The following QSER1 variants were observed in gnomAD, a reference collection of about 807,000 sequenced individuals.
The protein encoded by QSER1 is glutamine and serine rich 1, also known as glutamine and serine-rich protein 1.
In QSER1, 49 loss-of-function variants were observed where a neutral mutation model predicts 158.5. That is an observed-to-expected ratio of 0.31 (90% CI 0.25 to 0.39). The LOEUF (loss-of-function observed/expected upper bound fraction) is 0.39, where lower values mean the gene tolerates loss of function less well. Among genes scored for constraint, QSER1 ranks in the 10% least tolerant of loss-of-function variants. The pLI is 1.00. For missense variants in QSER1, 1,754 were observed against 2,010.3 expected (o/e 0.87, Z 2.44); for synonymous variants, 650 against 715.5 (o/e 0.91, Z 1.46).
chr11:32,923,635 A>ATCTTTATTT (rs1851927123), intron 1 of QSER1, among the ~76,000 whole-genome samples: 1 of 148,552 alleles, frequency 6.7e-6, no homozygotes, highest in Non-Finnish European at 1.5e-5. Flanking sequence ...CCGAGATCAC[A>ATCTTTATTT]CCACTACACT....
intron 9 of QSER1, 72 bp downstream of exon 9, chr11:32,966,509 T>A: frequency 1.5e-6 from 2 of 1,317,114 alleles, no homozygotes; most frequent in South Asian, 2.7e-5. Context: ...GTCTGTTAGT[T>A]ATATGTTTAT....
At position 32,980,150 on chromosome 11, in the gene QSER1, T is replaced by C. The variant is rs1351680808; in HGVS notation, c.*3676T>C. Reference sequence around the variant, plus strand: ...AAGGATATAAAGAAACCTGCATTTGTAGTCCAGCGTTTTCATTTGGTCCAT... The same window carrying C: ...AAGGATATAAAGAAACCTGCATTTGCAGTCCAGCGTTTTCATTTGGTCCAT... On this transcript the variant is annotated 3_prime_UTR_variant, in exon 13 of 13. Transcript: ENST00000650167. 3.3e-5 allele frequency: 5 copies of C among 152,648 alleles called. No homozygotes were observed. The highest frequency in any genetic ancestry group is 9.6e-5 in the African/African-American group (4 of 41,456). 9.5% of individuals were successfully genotyped at this position (152,648 alleles called of 1,614,324 possible).
At chr11:32,961,674 T>C (rs1852627457) in intron 8 of QSER1, among the ~76,000 whole-genome samples, 1 of 152,204 alleles carries the variant, frequency 6.6e-6, no homozygotes, top group African/African-American at 2.4e-5. Context: ...TTCCTCCAGC[T>C]ACTGGTAACC....
chr11:32,927,913 G>C (rs1851994708), intron 2 of QSER1, 49 bp from the exon 3 acceptor site: 1 of 390,598 alleles, frequency 2.6e-6, no homozygotes, highest in Non-Finnish European at 4.1e-6. Context: ...ATTTATACAA[G>C]TAAATTTTTT....
Position 32,976,806 on chromosome 11 carries a change from A to G in QSER1, c.*332A>G, listed in dbSNP as rs2133620541. 4.5e-6 allele frequency: 1 copy of G among 220,410 alleles called. No homozygotes were observed. Among genetic ancestry groups the G allele is most frequent in the East Asian group, 1.5e-4 (1 of 6,590 alleles). 13.7% of individuals were successfully genotyped at this position (220,410 alleles called of 1,614,324 possible). On this transcript the variant is annotated 3_prime_UTR_variant, in exon 13 of 13. Transcript: ENST00000650167. ...TATAATTTTTTTTTATTGCTAGAGA[A>G]GTAACACTTAAAGTAACGATTTTTT...
intron 4 of QSER1, among the ~76,000 whole-genome samples, chr11:32,941,384 T>TCC (rs1263223630): frequency 2.1e-3 from 95 of 44,356 alleles, no homozygotes; most frequent in Non-Finnish European, 3.4e-3. Flanking sequence ...CCCTCCCCCC[T>TCC]CCACCCCCCA....
intron 1 of QSER1, among the ~76,000 whole-genome samples, chr11:32,904,227 A>T (rs1303415119): frequency 7.3e-6 from 1 of 137,502 alleles, no homozygotes; most frequent in East Asian, 2.1e-4. Context: ...GAGTCTTGCT[A>T]TGTCACCCAG....
intron 7 of QSER1, 95 bp downstream of exon 7, chr11:32,956,216 T>C: frequency 1.7e-6 from 2 of 1,181,194 alleles, no homozygotes; most frequent in Non-Finnish European, 2.4e-6. Context: ...AAATAGATTT[T>C]TTTTATTATA....
intron 3 of QSER1, 66 bp from the exon 4 acceptor site, chr11:32,931,677 T>C: frequency 7.8e-7 from 1 of 1,281,322 alleles, no homozygotes; most frequent in Non-Finnish European, 1.1e-6. Context: ...ATGTAAGTCA[T>C]TACTATGAAA....
At chr11:32,896,346 ATTTAT>A (rs989712172) in intron 1 of QSER1, among the ~76,000 whole-genome samples, 15 of 152,078 alleles carry the variant, frequency 9.9e-5, no homozygotes, top group African/African-American at 2.4e-4. Flanking sequence ...AAATAGGTTT[ATTTAT>A]TTTATTTTAT....
intron 4 of QSER1, among the ~76,000 whole-genome samples, chr11:32,939,761 A>G (rs932603770): frequency 6.6e-6 from 1 of 152,070 alleles, no homozygotes; most frequent in African/African-American, 2.4e-5. Context: ...TCAGATCTCA[A>G]AGCCTTTCTT....
At chr11:32,966,102 A>G (rs931220681) in intron 8 of QSER1, among the ~76,000 whole-genome samples, 198 bp from the exon 9 acceptor site, 1 of 152,104 alleles carries the variant, frequency 6.6e-6, no homozygotes, top group Non-Finnish European at 1.5e-5. Context: ...TTTTTGTTCT[A>G]TTGTTAACAA....
At chr11:32,966,837 A>G (rs1852758131) in intron 9 of QSER1, among the ~76,000 whole-genome samples, 2 of 152,266 alleles carry the variant, frequency 1.3e-5, no homozygotes, top group South Asian at 4.1e-4. Flanking sequence ...TTTGTAAAAG[A>G]TACATCATAG....
At position 32,934,587 on chromosome 11, in the gene QSER1, C is replaced by G; in HGVS notation, c.3329C>G (p.Ser1110Cys). ...AGTTCTGGCCCATTCAAGAAACAGT[C>G]TGCTACCAATCTTGAATCTGAAGAA... ...EQSSGPFKKQ[S>C]ATNLESEEDS... Residue 1110 changes from serine (S) to cysteine (C), a missense_variant, in exon 4 of 13, where the codon TCT becomes TGT. Physicochemically the swap from Ser to Cys is moderately radical, Grantham distance 112. Around this residue, in one of 2 missense-constraint regions of QSER1, gnomAD observed 1,707 missense variants for 1,919.6 expected, o/e 0.89. Coordinates refer to ENST00000650167, the MANE Select transcript of QSER1 (RefSeq NM_001076786.3). 6.2e-7 allele frequency: 1 copy of G among 1,613,566 alleles called. No homozygotes were observed.
chr11:32,901,825 C>T (rs1417547478), intron 1 of QSER1, among the ~76,000 whole-genome samples: 1 of 152,136 alleles, frequency 6.6e-6, no homozygotes, highest in Non-Finnish European at 1.5e-5. Flanking sequence ...GGCTTGTGCC[C>T]ATAATCCCAG....
chr11:32,964,509 C>A (rs957098173), intron 8 of QSER1, among the ~76,000 whole-genome samples: 5 of 151,830 alleles, frequency 3.3e-5, no homozygotes. Flanking sequence ...CAGAGACCAC[C>A]AAAAGGGTCT....
chr11:32,975,480 ATGACT>A (rs1852959484), intron 12 of QSER1, 137 bp downstream of exon 12: 3 of 1,506,436 alleles, frequency 2.0e-6, no homozygotes, highest in Non-Finnish European at 2.7e-6. Context: ...TCTGTAAATA[ATGACT>A]TGATTTATTG....
At chr11:32,942,723 T>A (rs966873054) in intron 4 of QSER1, among the ~76,000 whole-genome samples, 8 of 152,234 alleles carry the variant, frequency 5.3e-5, no homozygotes, top group African/African-American at 1.4e-4. Flanking sequence ...CGGGCTCTTT[T>A]TTGGTTCCAT....
rs770371674 is a variant in QSER1 at position 32,933,127 on chromosome 11, T to C, written c.1869T>C (p.Ile623=). 1 of 1,613,306 alleles carries C rather than the reference T, an allele frequency of 6.2e-7. No individual in the cohort carries two copies. Among genetic ancestry groups the C allele is most frequent in the Admixed American group, 1.7e-5 (1 of 59,792 alleles). Residue 623 remains isoleucine, a synonymous_variant, in exon 4 of 13, where the codon ATT becomes ATC. Coordinates refer to ENST00000650167, the MANE Select transcript of QSER1 (RefSeq NM_001076786.3). ...ACTCTAGCCCGACCCAGAATTATAT[T>C]TCTATGCATTCTTCCCAAAATGTTC... The part of the protein sequence containing the change: ...LPDSSPTQNY[I]SMHSSQNVQT...
Sources: gnomAD v4.1 joint callset for allele counts (sites outside exome capture counted in the v4.1 genomes callset) on GRCh38, gnomAD v4.1.1 for gene constraint, gnomAD v4.1.1 regional missense constraint, MANE v1.5 for transcripts, NCBI Gene and HGNC (gene_info 2026-07-23, HGNC 2026-07-21) for gene names.